The following PDE10A variants were observed in gnomAD, a reference collection of about 807,000 sequenced individuals.
The protein encoded by PDE10A is cAMP and cAMP-inhibited cGMP 3',5'-cyclic phosphodiesterase 10A.
Under a neutral mutation model 97.7 loss-of-function variants are expected in PDE10A, and 39 were observed. That is an observed-to-expected ratio of 0.40 (90% confidence interval 0.31 to 0.52). PDE10A has a LOEUF of 0.52. PDE10A is among the 20% of genes least tolerant of loss of function. The pLI is 0.56. For synonymous variants in PDE10A, 371 were observed against 376.8 expected, an observed-to-expected ratio of 0.98 and a Z score of 0.18; for missense variants, 731 against 1,047.8, an observed-to-expected ratio of 0.70 and a Z score of 4.17.
At chr6:165,700,759 C>T (rs575100852) in intron 1 of PDE10A, among the ~76,000 whole-genome samples, 1 of 152,220 alleles carries the variant, frequency 6.6e-6, no homozygotes, top group African/African-American at 2.4e-5. Flanking sequence ...TTACTAGATT[C>T]TTCATATCAC....
intron 1 of PDE10A, among the ~76,000 whole-genome samples, chr6:165,836,370 C>T (rs989502385): frequency 6.6e-6 from 1 of 152,204 alleles, no homozygotes; most frequent in Non-Finnish European, 1.5e-5. Context: ...GACCGGCGCA[C>T]GTCGGCACAG....
intron 1 of PDE10A, among the ~76,000 whole-genome samples, chr6:165,913,273 T>TACACACACACACACACACAC (rs58740333): frequency 6.8e-6 from 1 of 147,906 alleles, no homozygotes; most frequent in African/African-American, 2.5e-5. Context: ...ACTCAACTTG[T>TACACACACACACACACACAC]ACACACACAC....
At chr6:165,814,327 G>A (rs923420936) in intron 1 of PDE10A, among the ~76,000 whole-genome samples, 17 of 152,216 alleles carry the variant, frequency 1.1e-4, no homozygotes, top group Admixed American at 2.6e-4. Context: ...TCCACCGCCC[G>A]TAACATGGGG....
chr6:165,450,238 T>C lies in PDE10A; in HGVS notation c.1144+4A>G, dbSNP rs1355808369. On this transcript the variant is annotated splice_donor_region_variant and intron_variant, in intron 4 of 21. Transcript: ENST00000539869. ...TTCTAACAGGAACACAAAATGCTTC[T>C]TACCTATTTTAATGATGCTGCTCAG... 1 of 1,538,782 alleles carries C rather than the reference T, an allele frequency of 6.5e-7. No homozygotes were observed. The highest frequency in any genetic ancestry group is 2.0e-5 in the Admixed American group (1 of 51,052).
chr6:165,547,738 C>A (rs1217741948), intron 1 of PDE10A, among the ~76,000 whole-genome samples: 1 of 152,144 alleles, frequency 6.6e-6, no homozygotes, highest in Non-Finnish European at 1.5e-5. Context: ...AGGATTGACA[C>A]CTTTGAGTTT....
chr6:165,695,589 G>T (rs967268298), intron 1 of PDE10A, among the ~76,000 whole-genome samples: 3 of 152,284 alleles, frequency 2.0e-5, no homozygotes, highest in East Asian at 1.9e-4. Context: ...AGTTGGGAGT[G>T]GGGGAGAGGT....
At chr6:165,538,822 T>C (rs1783251987) in intron 2 of PDE10A, among the ~76,000 whole-genome samples, 1 of 152,218 alleles carries the variant, frequency 6.6e-6, no homozygotes, top group African/African-American at 2.4e-5. Flanking sequence ...GTTTATTTAA[T>C]AATATATACT....
At chr6:165,714,324 G>A (rs1419757760) in intron 1 of PDE10A, among the ~76,000 whole-genome samples, 3 of 152,350 alleles carry the variant, frequency 2.0e-5, no homozygotes, top group East Asian at 1.9e-4. Flanking sequence ...GGGAAAGCGG[G>A]GAACAGGAGT....
In PDE10A at chr6:165,662,508, G is replaced by C. The variant is rs1407297408; in HGVS notation, c.304C>G (p.Leu102Val). The C allele has an allele frequency of 6.8e-6, 1 of 146,936 alleles. No individual in the cohort carries two copies. Among genetic ancestry groups the C allele is most frequent in the Non-Finnish European group, 1.5e-5 (1 of 66,316 alleles). The allele number at this position is 146,936 out of a possible 1,614,324, so 9.1% of individuals were successfully genotyped here. A position where few individuals can be genotyped will look rare whatever the true frequency, so the allele number is the denominator to read the frequency against. ...GWVAARAPLA[L>V]AFSSRVPSSS... ...GAGGGGACCCGGGACGAGAAGGCGA[G>C]CGCCAAGGGAGCGCGGGCCGCGACC... Residue 102 changes from leucine (L) to valine (V), a missense_variant, in exon 1 of 22, where the codon CTC becomes GTC. Leu to Val is a conservative substitution (Grantham distance 32). Coordinates refer to ENST00000539869, the MANE Select transcript of PDE10A (RefSeq NM_001385079.1).
intron 1 of PDE10A, among the ~76,000 whole-genome samples, chr6:165,602,928 G>C (rs1787034644): frequency 6.6e-6 from 1 of 152,120 alleles, no homozygotes; most frequent in Non-Finnish European, 1.5e-5. Context: ...ATGCTAGACA[G>C]ACTACATAAA....
intron 20 of PDE10A, 121 bp downstream of exon 20, chr6:165,339,157 C>T (rs923177721): frequency 6.7e-6 from 5 of 747,812 alleles, no homozygotes; most frequent in African/African-American, 3.4e-5. Context: ...ACCAGATCTG[C>T]CTGGAATAAC....
At chr6:165,761,988 C>T (rs892068258) in intron 1 of PDE10A, among the ~76,000 whole-genome samples, 4 of 152,156 alleles carry the variant, frequency 2.6e-5, no homozygotes, top group Admixed American at 1.3e-4. Flanking sequence ...TATTTACTCT[C>T]CCTGTCTTAA....
intron 1 of PDE10A, among the ~76,000 whole-genome samples, chr6:165,547,583 G>A (rs1783801718): frequency 6.6e-6 from 1 of 152,134 alleles, no homozygotes; most frequent in South Asian, 2.1e-4. Context: ...TGCTTCTATG[G>A]TTAATGATTC....
chr6:165,377,155 T>C (rs1784655550), intron 18 of PDE10A, among the ~76,000 whole-genome samples: 1 of 152,210 alleles, frequency 6.6e-6, no homozygotes, highest in Non-Finnish European at 1.5e-5. Flanking sequence ...ATGGTGTAAA[T>C]ACAACTTTTA....
intron 1 of PDE10A, among the ~76,000 whole-genome samples, chr6:165,596,858 T>TACTG (rs1475811588): frequency 1.3e-5 from 2 of 152,158 alleles, no homozygotes; most frequent in African/African-American, 4.8e-5. Context: ...TCTCCTCCTC[T>TACTG]ACTGACATGG....
intron 1 of PDE10A, among the ~76,000 whole-genome samples, chr6:165,922,660 T>C (rs150511852): frequency 1.1e-3 from 166 of 152,296 alleles, no homozygotes; most frequent in Non-Finnish European, 1.9e-3. Flanking sequence ...TGGGAGTTTA[T>C]GAGAATGTAA....
At chr6:165,529,535 C>T (rs180941997) in intron 2 of PDE10A, among the ~76,000 whole-genome samples, 1 of 152,176 alleles carries the variant, frequency 6.6e-6, no homozygotes, top group African/African-American at 2.4e-5. Context: ...AGTCATCATA[C>T]CAGCTACGAC....
At chr6:165,933,580 G>C (rs1783216002) in intron 1 of PDE10A, among the ~76,000 whole-genome samples, 1 of 152,110 alleles carries the variant, frequency 6.6e-6, no homozygotes, top group Non-Finnish European at 1.5e-5. Flanking sequence ...GGGAAGCAGA[G>C]ACCTGAAAAT....
At chr6:165,975,518 T>C (rs1212120794) in intron 1 of PDE10A, among the ~76,000 whole-genome samples, 1 of 152,170 alleles carries the variant, frequency 6.6e-6, no homozygotes, top group East Asian at 1.9e-4. Context: ...GCACTTAACA[T>C]TTGCCAGGCT....
Sources: allele counts gnomAD v4.1 joint callset (sites outside exome capture counted in the v4.1 genomes callset), GRCh38; gene constraint gnomAD v4.1.1; transcripts MANE v1.5; gene names NCBI Gene and HGNC (gene_info 2026-07-23, HGNC 2026-07-21).